The following ADGRD1 variants were observed in gnomAD, a reference collection of about 807,000 sequenced individuals.
ADGRD1 encodes adhesion G protein-coupled receptor D1.
Under a neutral mutation model 113.4 loss-of-function variants are expected in ADGRD1, and 77 were observed. That is an observed-to-expected ratio of 0.68 (90% CI 0.57 to 0.82). The LOEUF is 0.82. Among genes scored for constraint, ADGRD1 ranks in the 40% least tolerant of loss-of-function variants. The pLI is 0.00. For synonymous variants in ADGRD1, 474 were observed against 475.0 expected (o/e 1.00, Z 0.03); for missense variants, 1,036 against 1,139.1 (o/e 0.91, Z 1.30).
At chr12:131,035,119 C>A (rs10848270) in intron 13 of ADGRD1, 70,475 of 152,822 alleles carry the variant, frequency 0.46, 19,175 homozygotes, top group Non-Finnish European at 0.61. Flanking sequence ...TCTGTCCGTG[C>A]CCTCACCTCC....
In ADGRD1 at chr12:130,984,343, G is replaced by A. The variant is rs912367932; in HGVS notation, c.490+2280G>A. Among the ~76,000 whole-genome samples the A allele has an allele frequency of 2.0e-5, 3 of 152,178 alleles. No homozygotes were observed. Among genetic ancestry groups the A allele is most frequent in the East Asian group, 1.9e-4 (1 of 5,200 alleles). On this transcript the variant is annotated intron_variant, in intron 5 of 24. Transcript: ENST00000261654. The surrounding 1 kb of genome is among the most constrained non-coding windows in gnomAD (Gnocchi z 4.1). ...CGTGATGGGGCAGCCGCCCTTCCAC[G>A]CACTGCAGTCAGCACAGAAGCCACG...
chr12:131,004,397 G>GGTGCTCCCCCGGGCCGCCTGCA lies in ADGRD1; in HGVS notation c.1255+122_1255+123insAGTGCTCCCCCGGGCCGCCTGC, dbSNP rs1405822382. 1.4e-4 allele frequency: 124 copies of GGTGCTCCCCCGGGCCGCCTGCA among 907,874 alleles called. 1 individual carries two copies. Among genetic ancestry groups the GGTGCTCCCCCGGGCCGCCTGCA allele is most frequent in the Non-Finnish European group, 1.9e-4 (108 of 572,922 alleles). The allele number at this position is 907,874 out of a possible 1,614,324, so 56.2% of individuals were successfully genotyped here. The stretch of plus-strand genomic sequence containing the variant: ...GGTGCCCACCGCGCCAGGGAGCTGC[G>GGTGCTCCCCCGGGCCGCCTGCA]GTGCTCCCCCGGGCCGCCTGCGGTG... On this transcript the variant is annotated intron_variant, in intron 11 of 24. Transcript: ENST00000261654.
rs1484157318 is a variant in ADGRD1, at chr12:130,984,846, A to G, written c.491-2249A>G. 8.9e-6 allele frequency among the ~76,000 whole-genome samples: 1 copy of G among 112,256 alleles called. No homozygotes were observed. Among genetic ancestry groups the G allele is most frequent in the East Asian group, 2.7e-4 (1 of 3,768 alleles). 73.6% of individuals were successfully genotyped at this position (112,256 alleles called of 152,430 possible). A position where few individuals can be genotyped will look rare whatever the true frequency, so the allele number is the denominator to read the frequency against. On this transcript the variant is annotated intron_variant, in intron 5 of 24. Transcript: ENST00000261654. This position sits in a 1 kb window ranked among gnomAD's most constrained non-coding sequence, Gnocchi z 4.1. ...CTTCCTTCCTTCCTTCTTGCCTTCC[A>G]TCCTCCCTTGCTCCCTTCCTTTCCT...
chr12:131,133,261 C>G (rs899177335), intron 21 of ADGRD1, among the ~76,000 whole-genome samples: 2 of 151,986 alleles, frequency 1.3e-5, no homozygotes, highest in African/African-American at 4.8e-5. Flanking sequence ...TCACAATCCC[C>G]TGTCTGAGCC....
chr12:130,998,033 C>T (rs919947844), intron 8 of ADGRD1, among the ~76,000 whole-genome samples: 14 of 152,044 alleles, frequency 9.2e-5, no homozygotes, highest in African/African-American at 3.4e-4. Context: ...GAAACCCCGT[C>T]TCCACCAAAA....
rs372456384 is a variant in ADGRD1 at position 131,139,266 on chromosome 12, C to T, written c.*3C>T. On this transcript the variant is annotated 3_prime_UTR_variant, in exon 25 of 25. Coordinates refer to ENST00000261654, the MANE Select transcript of ADGRD1 (RefSeq NM_198827.5). ...GCGTCGACCTGTCAGCCGTGTGAGC[C>T]GGGAGGCTGCCAACCAGGCCAGGCT... 4.5e-5 allele frequency: 73 copies of T among 1,606,676 alleles called. No individual in the cohort carries two copies. The highest frequency in any genetic ancestry group is 2.0e-4 in the East Asian group (9 of 44,714).
At chr12:131,005,573 G>A (rs1012557686) in intron 11 of ADGRD1, among the ~76,000 whole-genome samples, 3 of 149,912 alleles carry the variant, frequency 2.0e-5, no homozygotes, top group Non-Finnish European at 4.4e-5. Context: ...CACTCGTGGG[G>A]CAAGGCTGGA....
intron 24 of ADGRD1, 50 bp downstream of exon 24, chr12:131,138,279 A>G: frequency 2.0e-6 from 3 of 1,523,070 alleles, no homozygotes; most frequent in Non-Finnish European, 2.7e-6. Flanking sequence ...CTCCTTCCCC[A>G]GGCTCGGTTG....
At chr12:131,128,338 C>T (rs67424059) in intron 20 of ADGRD1, among the ~76,000 whole-genome samples, 20,089 of 151,764 alleles carry the variant, frequency 0.13, 1,716 homozygotes, top group African/African-American at 0.25. Context: ...TCAAGTTGCT[C>T]GAGATCCTCT....
At chr12:131,054,635 G>A (rs534470295) in intron 13 of ADGRD1, among the ~76,000 whole-genome samples, 5 of 152,146 alleles carry the variant, frequency 3.3e-5, no homozygotes, top group Non-Finnish European at 5.9e-5. Flanking sequence ...TGTTCTGGGC[G>A]CTTCCTTCCT....
At chr12:131,087,290 G>T (rs1379870682) in intron 15 of ADGRD1, among the ~76,000 whole-genome samples, 1 of 152,164 alleles carries the variant, frequency 6.6e-6, no homozygotes, top group African/African-American at 2.4e-5. Context: ...TGGATAGGAG[G>T]GGGCACCATT....
intron 13 of ADGRD1, among the ~76,000 whole-genome samples, chr12:131,031,494 C>T (rs1012235760): frequency 6.6e-6 from 1 of 152,112 alleles, no homozygotes; most frequent in Non-Finnish European, 1.5e-5. Context: ...GTCGACGAGT[C>T]ACCCATTGCT....
intron 15 of ADGRD1, among the ~76,000 whole-genome samples, chr12:131,095,834 G>A (rs1156644618): frequency 6.6e-6 from 1 of 152,240 alleles, no homozygotes; most frequent in Admixed American, 6.5e-5. Flanking sequence ...GAGTGGGACA[G>A]GAGCTCGAGG....
At chr12:131,028,315 AT>A (rs1880213278) in intron 13 of ADGRD1, among the ~76,000 whole-genome samples, 1 of 151,866 alleles carries the variant, frequency 6.6e-6, no homozygotes, top group Admixed American at 6.6e-5. Flanking sequence ...TTTCTTACTG[AT>A]TTTTTAAGGA....
Position 131,003,245 on chromosome 12 carries a change from T to G in ADGRD1, c.1087T>G (p.Ser363Ala). 1.2e-6 allele frequency: 2 copies of G among 1,614,108 alleles called. No homozygotes were observed. Among genetic ancestry groups the G allele is most frequent in the Non-Finnish European group, 1.7e-6 (2 of 1,180,010 alleles). The change falls in exon 10 of 25, where the codon TCC becomes GCC. Residue 363 changes from serine (S) to alanine (A), a missense_variant. By Grantham distance (99) the Ser-to-Ala change is moderately conservative. Coordinates refer to ENST00000261654, the MANE Select transcript of ADGRD1 (RefSeq NM_198827.5). The surrounding 1 kb of genome is among the most constrained non-coding windows in gnomAD (Gnocchi z 4.8). Reference sequence around the variant, plus strand: ...TGACACCGTCATGGGCCATGTATCCTCCAACCTGCACGGCAGCACGCCCCA... The same window carrying G: ...TGACACCGTCATGGGCCATGTATCCGCCAACCTGCACGGCAGCACGCCCCA... ...TIDTVMGHVSSNLHGSTPQVT... is the reference protein window; with the variant it reads ...TIDTVMGHVSANLHGSTPQVT...
chr12:131,092,308 C>T (rs764969525), intron 15 of ADGRD1, among the ~76,000 whole-genome samples: 9 of 152,150 alleles, frequency 5.9e-5, no homozygotes, highest in Non-Finnish European at 1.2e-4. Flanking sequence ...GGACTGGTGC[C>T]GTGGAAGGCA....
chr12:131,021,224 A>T (rs1276775288), intron 13 of ADGRD1, among the ~76,000 whole-genome samples: 1 of 152,156 alleles, frequency 6.6e-6, no homozygotes, highest in Non-Finnish European at 1.5e-5. Context: ...TATTAACGAC[A>T]GACGTTTTTT....
intron 2 of ADGRD1, among the ~76,000 whole-genome samples, chr12:130,960,975 T>G (rs534734364): frequency 1.3e-5 from 2 of 152,276 alleles, no homozygotes; most frequent in South Asian, 4.1e-4. Context: ...GGCAAAGTTA[T>G]GCAGGAAAAA....
In ADGRD1 at chr12:131,014,348, G is replaced by A. The variant is rs1169363697; in HGVS notation, c.1473+8G>A. The A allele has an allele frequency of 1.2e-6, 2 of 1,610,042 alleles. No individual in the cohort carries two copies. The highest frequency in any genetic ancestry group is 2.7e-5 in the African/African-American group (2 of 74,798). ...CACCTCAAGCACAGATTGGTGAGTG[G>A]CGGTGCCTTCACCCTTGTCGCCGCC... On this transcript the variant is annotated splice_region_variant and intron_variant, in intron 13 of 24. Coordinates refer to ENST00000261654, the MANE Select transcript of ADGRD1 (RefSeq NM_198827.5).
Sources: gnomAD v4.1 joint callset for allele counts (sites outside exome capture counted in the v4.1 genomes callset) on GRCh38, gnomAD v4.1.1 for gene constraint, Gnocchi (gnomAD v3.1) non-coding constraint, MANE v1.5 for transcripts, NCBI Gene and HGNC (gene_info 2026-07-23, HGNC 2026-07-21) for gene names.